Variants in NT5M observed in about 807,000 individuals in gnomAD.
NT5M encodes the protein 5'(3')-deoxyribonucleotidase, mitochondrial.
Under a neutral mutation model 22.2 loss-of-function variants are expected in NT5M, and 22 were observed. The ratio of observed to expected loss-of-function variants is 0.99; its 90% confidence interval spans 0.71 to 1.41. NT5M has a LOEUF of 1.41. NT5M is among the 40% of genes most tolerant of loss of function. NT5M has a pLI of 0.00. For synonymous variants in NT5M, 167 were observed against 133.0 expected, an observed-to-expected ratio of 1.26 and a Z score of -1.76; for missense variants, 322 against 314.8, an observed-to-expected ratio of 1.02 and a Z score of -0.17.
At chr17:17,342,178 T>A (rs975087848) in intron 3 of NT5M, among the ~76,000 whole-genome samples, 2 of 152,210 alleles carry the variant, frequency 1.3e-5, no homozygotes, top group African/African-American at 4.8e-5. Context: ...GAAAAAATAT[T>A]TGCAAAATGC....
chr17:17,336,381 T>C (rs1363690568), intron 3 of NT5M, among the ~76,000 whole-genome samples: 1 of 152,084 alleles, frequency 6.6e-6, no homozygotes, highest in East Asian at 1.9e-4. Context: ...TCCCAGCCTC[T>C]ACTAACCATC....
intron 2 of NT5M, among the ~76,000 whole-genome samples, chr17:17,316,780 ATCTCAGCTCAC>A (rs1331916166): frequency 1.2e-4 from 18 of 149,468 alleles, no homozygotes; most frequent in Non-Finnish European, 2.2e-4. Context: ...CAGTGGCGCA[ATCTCAGCTCAC>A]TGCAACCTCT....
chr17:17,345,023 C>T, intron 4 of NT5M, 115 bp downstream of exon 4: 1 of 1,448,308 alleles, frequency 6.9e-7, no homozygotes, highest in East Asian at 2.4e-5. Context: ...CAGCTGTTTG[C>T]CAGGCACTGA....
At position 17,347,161 on chromosome 17, in the gene NT5M, G is replaced by C. The variant is rs2049778564; in HGVS notation, c.*214G>C. On this transcript the variant is annotated 3_prime_UTR_variant, in exon 5 of 5. Transcript: ENST00000389022. The stretch of plus-strand genomic sequence containing the variant: ...TCTGGGCGCTTGGACATAGACACGT[G>C]GTCCCAGGCCGTTCAGCCTGACCTC... The C allele has an allele frequency of 3.2e-6, 2 of 619,112 alleles. No individual in the cohort carries two copies. The highest frequency in any genetic ancestry group is 4.2e-5 in the South Asian group (2 of 47,226). The allele number at this position is 619,112 out of a possible 1,614,324, so 38.4% of individuals were successfully genotyped here.
intron 2 of NT5M, among the ~76,000 whole-genome samples, chr17:17,315,878 A>G (rs1330095033): frequency 6.7e-6 from 1 of 149,648 alleles, no homozygotes; most frequent in Non-Finnish European, 1.5e-5. Context: ...CAGCCTCCCA[A>G]GTAGCTGGGA....
At chr17:17,342,191 T>A (rs79007467) in intron 3 of NT5M, among the ~76,000 whole-genome samples, 2 of 152,346 alleles carry the variant, frequency 1.3e-5, no homozygotes, top group East Asian at 3.9e-4. Context: ...CAAAATGCAT[T>A]GTCTGATAAA....
chr17:17,325,871 G>A (rs1043064194), intron 3 of NT5M, among the ~76,000 whole-genome samples: 1 of 152,150 alleles, frequency 6.6e-6, no homozygotes, highest in Admixed American at 6.5e-5. Context: ...ATATTGAAGT[G>A]TATTCTTTCT....
chr17:17,313,407 T>C (rs533974608), intron 2 of NT5M, among the ~76,000 whole-genome samples: 24 of 152,358 alleles, frequency 1.6e-4, no homozygotes, highest in Middle Eastern at 6.8e-3. Context: ...TGGTCCTTTA[T>C]CTCCATTTGG....
intron 2 of NT5M, among the ~76,000 whole-genome samples, chr17:17,311,998 G>A (rs1362122303): frequency 6.6e-6 from 1 of 152,228 alleles, no homozygotes; most frequent in East Asian, 1.9e-4. Flanking sequence ...GGTTTGGAGT[G>A]GGGTTCTGGA....
intron 1 of NT5M, among the ~76,000 whole-genome samples, chr17:17,306,211 A>C (rs1031908161): frequency 6.6e-6 from 1 of 152,004 alleles, no homozygotes; most frequent in African/African-American, 2.4e-5. Context: ...AGTTTCCACA[A>C]TGCTTTTGGC....
At chr17:17,325,656 T>C (rs1440294893) in intron 3 of NT5M, among the ~76,000 whole-genome samples, 5 of 152,116 alleles carry the variant, frequency 3.3e-5, no homozygotes, top group African/African-American at 1.2e-4. Context: ...ACTTGAAACC[T>C]CTGAATAGTT....
At chr17:17,320,616 A>T (rs2049131657) in intron 2 of NT5M, among the ~76,000 whole-genome samples, 1 of 152,054 alleles carries the variant, frequency 6.6e-6, no homozygotes, top group African/African-American at 2.4e-5. Flanking sequence ...ATCCTGTGTG[A>T]GGTGTGTGAG....
intron 2 of NT5M, among the ~76,000 whole-genome samples, chr17:17,307,723 G>C (rs1210013398): frequency 6.6e-6 from 1 of 152,192 alleles, no homozygotes. Flanking sequence ...GGGCGTGGCG[G>C]CATGCACATG....
rs1215004229 is a variant in NT5M at position 17,346,873 on chromosome 17, C to T, written c.613C>T (p.Gln205Ter). The stretch of plus-strand genomic sequence containing the variant: ...CTGCCACAACCAGCACCTGCAGCTG[C>T]AGCCCCCCCGCCGCAGGCTGCACTC... ...TACHNQHLQLQPPRRRLHSWA... is the reference protein window; with the variant it reads ...TACHNQHLQL Residue 205 changes from glutamine to a stop codon, truncating the protein, a stop_gained, in exon 5 of 5, where the codon CAG (glutamine) becomes TAG (stop). Coordinates refer to ENST00000389022, the MANE Select transcript of NT5M (RefSeq NM_020201.4). LOFTEE classifies it high-confidence loss of function. 6.2e-7 allele frequency: 1 copy of T among 1,608,492 alleles called. No homozygotes were observed. Among genetic ancestry groups the T allele is most frequent in the Admixed American group, 1.7e-5 (1 of 60,012 alleles).
chr17:17,329,064 C>G (rs2049322203), intron 3 of NT5M, among the ~76,000 whole-genome samples: 1 of 152,092 alleles, frequency 6.6e-6, no homozygotes, highest in African/African-American at 2.4e-5. Flanking sequence ...TGCAAGCTCC[C>G]CATCCCGGGT....
intron 4 of NT5M, chr17:17,345,401 G>A: frequency 2.6e-6 from 1 of 383,834 alleles, no homozygotes; most frequent in Non-Finnish European, 3.6e-6. Flanking sequence ...GATGGGCGTG[G>A]TGACTCACGC....
intron 3 of NT5M, among the ~76,000 whole-genome samples, chr17:17,344,561 T>C (rs2049717459): frequency 6.6e-6 from 1 of 152,164 alleles, no homozygotes; most frequent in South Asian, 2.1e-4. Flanking sequence ...GTGACTCTGC[T>C]GCTTTCTAGC....
Position 17,306,594 on chromosome 17 carries a change from C to G in NT5M, c.319C>G (p.Pro107Ala). 6.2e-7 allele frequency: 1 copy of G among 1,614,004 alleles called. No homozygotes were observed. Among genetic ancestry groups the G allele is most frequent in the Non-Finnish European group, 8.5e-7 (1 of 1,179,984 alleles). ...AAAGAATTTCTTTTTTGAACTTGAG[C>G]CTCTGCCAGGGGCCGTGGAAGCTGT... ...ESKNFFFELE[P>A]LPGAVEAVKE... The change falls in exon 2 of 5, where the codon CCT (proline) becomes GCT (alanine). Residue 107 changes from proline (P) to alanine (A), a missense_variant. Pro to Ala is a conservative substitution (Grantham distance 27). Transcript: ENST00000389022.
At chr17:17,304,099 AT>A (rs1209129144) in intron 1 of NT5M, among the ~76,000 whole-genome samples, 6 of 152,192 alleles carry the variant, frequency 3.9e-5, no homozygotes, top group Admixed American at 3.9e-4. Context: ...TTTGTGGCAT[AT>A]TTGGCCTCAA....
Sources: gnomAD v4.1 joint callset for allele counts (sites outside exome capture counted in the v4.1 genomes callset) on GRCh38, gnomAD v4.1.1 for gene constraint, MANE v1.5 for transcripts, NCBI Gene and HGNC (gene_info 2026-07-23, HGNC 2026-07-21) for gene names.